RBFOX1: variants seen among roughly 807,000 people sequenced by gnomAD.
RBFOX1 encodes the protein RNA binding fox-1 homolog 1, also known as RNA binding protein fox-1 homolog 1.
RBFOX1 carries 8 observed loss-of-function variants against 57.7 expected under a neutral mutation model. The observed-to-expected ratio is 0.14, with a 90% CI of 0.08 to 0.25. The LOEUF is 0.25. Ranked by LOEUF, RBFOX1 falls within the 10% of genes least tolerant of loss-of-function variation. RBFOX1 has a pLI of 1.00. For missense variants in RBFOX1, 611 were observed against 548.5 expected, an observed-to-expected ratio of 1.11 and a Z score of -1.14; for synonymous variants, 326 against 222.4, an observed-to-expected ratio of 1.47 and a Z score of -4.15.
chr16:6,648,991 A>G (rs1203154446), intron 2 of RBFOX1, among the ~76,000 whole-genome samples: 1 of 152,012 alleles, frequency 6.6e-6, no homozygotes, highest in Admixed American at 6.5e-5. Flanking sequence ...TTTCTTAGCA[A>G]TTTTCAAGAT....
chr16:6,627,244 T>C (rs2098323227), intron 2 of RBFOX1, among the ~76,000 whole-genome samples: 1 of 152,158 alleles, frequency 6.6e-6, no homozygotes, highest in African/African-American at 2.4e-5. Flanking sequence ...AGATGGGGCT[T>C]TGAAGCTGGC....
At chr16:6,961,145 C>CACCCACACACACACACACACA (rs142889433) in intron 3 of RBFOX1, among the ~76,000 whole-genome samples, 3 of 143,658 alleles carry the variant, frequency 2.1e-5, no homozygotes, top group Admixed American at 7.0e-5. Context: ...TCACACACAC[C>CACCCACACACACACACACACA]CACACAGACA....
intron 4 of RBFOX1, among the ~76,000 whole-genome samples, chr16:5,897,771 T>G (rs1484239798): frequency 6.6e-6 from 1 of 152,136 alleles, no homozygotes; most frequent in Non-Finnish European, 1.5e-5. Context: ...CATAGCCACA[T>G]GTAAGAGCAT....
intron 4 of RBFOX1, among the ~76,000 whole-genome samples, chr16:5,982,690 T>G (rs1369577710): frequency 6.6e-6 from 1 of 152,244 alleles, no homozygotes; most frequent in Non-Finnish European, 1.5e-5. Flanking sequence ...AGGACGTTCC[T>G]GACCATCTTG....
Position 6,965,307 on chromosome 16 carries a change from T to C in RBFOX1, c.-15-86750T>C, listed in dbSNP as rs902134313. 5.3e-5 allele frequency among the ~76,000 whole-genome samples: 8 copies of C among 149,912 alleles called. No individual in the cohort carries two copies. In the Admixed American group the frequency reaches 5.4e-4, roughly 10 times the overall value. On this transcript the variant is annotated intron_variant, in intron 3 of 15. Coordinates refer to ENST00000550418, the MANE Select transcript of RBFOX1 (RefSeq NM_018723.4). ...AACATAAACAAATCCAATTTCCTTT[T>C]TCTTTTGTTGTGTGTGTGTGTGTGT...
At chr16:6,679,905 T>TTTC (rs1243331086) in intron 3 of RBFOX1, among the ~76,000 whole-genome samples, 2 of 123,052 alleles carry the variant, frequency 1.6e-5, no homozygotes, top group African/African-American at 6.1e-5. Context: ...TTTTTTTTTT[T>TTTC]CATACTTTTC....
intron 3 of RBFOX1, among the ~76,000 whole-genome samples, chr16:6,871,962 T>TGTGTGTGTGTGTG (rs2060982913): frequency 1.4e-5 from 2 of 144,606 alleles, no homozygotes; most frequent in African/African-American, 5.1e-5. Context: ...TGTGTGTGTG[T>TGTGTGTGTGTGTG]TTCCCTCGGT....
intron 4 of RBFOX1, among the ~76,000 whole-genome samples, chr16:5,901,568 G>T (rs951211118): frequency 5.3e-5 from 8 of 152,270 alleles, no homozygotes; most frequent in Non-Finnish European, 1.0e-4. Context: ...GTTAAAATTA[G>T]AAATTCAGCC....
chr16:5,654,457 T>C (rs2049356031), intron 3 of RBFOX1, among the ~76,000 whole-genome samples: 1 of 152,142 alleles, frequency 6.6e-6, no homozygotes, highest in Non-Finnish European at 1.5e-5. Context: ...CTTGTGGAGG[T>C]TGGGAAGGAA....
chr16:6,959,754 T>C (rs1313759361), intron 3 of RBFOX1, among the ~76,000 whole-genome samples: 1 of 152,132 alleles, frequency 6.6e-6, no homozygotes, highest in Non-Finnish European at 1.5e-5. Flanking sequence ...CTGGCCAACA[T>C]GGTGAAACCC....
chr16:7,256,485 A>C (rs1175768240), intron 4 of RBFOX1, among the ~76,000 whole-genome samples: 2 of 152,174 alleles, frequency 1.3e-5, no homozygotes, highest in Non-Finnish European at 2.9e-5. Context: ...GAGCCTTTTT[A>C]GACCTTTTTT....
At chr16:5,494,631 C>T (rs146523258) in intron 2 of RBFOX1, among the ~76,000 whole-genome samples, 4 of 152,224 alleles carry the variant, frequency 2.6e-5, no homozygotes, top group Non-Finnish European at 2.9e-5. Context: ...GCCTGTGGGC[C>T]GATGGCAGAG....
At chr16:6,709,317 C>T (rs184530381) in intron 3 of RBFOX1, among the ~76,000 whole-genome samples, 7 of 152,190 alleles carry the variant, frequency 4.6e-5, no homozygotes, top group South Asian at 2.1e-4. Context: ...GAGCTAAATT[C>T]TCCGAGATTA....
intron 3 of RBFOX1, among the ~76,000 whole-genome samples, chr16:6,842,859 C>A (rs1242886450): frequency 6.6e-6 from 1 of 151,960 alleles, no homozygotes; most frequent in Non-Finnish European, 1.5e-5. Context: ...GTGTGATGTT[C>A]CCCTCCCTGT....
intron 4 of RBFOX1, among the ~76,000 whole-genome samples, chr16:5,917,124 T>C (rs1247109860): frequency 6.6e-6 from 1 of 152,142 alleles, no homozygotes; most frequent in Non-Finnish European, 1.5e-5. Context: ...TCTGTTTTCC[T>C]TCCTGTTCCT....
At chr16:6,419,049 T>C (rs947526210) in intron 2 of RBFOX1, among the ~76,000 whole-genome samples, 5 of 152,218 alleles carry the variant, frequency 3.3e-5, no homozygotes, top group African/African-American at 9.6e-5. Flanking sequence ...CCAGTCTTGA[T>C]AGCCTTTCAC....
chr16:7,505,770 C>T (rs1219084063), intron 4 of RBFOX1, among the ~76,000 whole-genome samples: 4 of 152,222 alleles, frequency 2.6e-5, no homozygotes, highest in South Asian at 2.1e-4. Flanking sequence ...CCTACTGAGC[C>T]GGAGAAGTGA....
intron 2 of RBFOX1, among the ~76,000 whole-genome samples, chr16:6,580,016 C>T (rs187733942): frequency 1.2e-3 from 182 of 151,960 alleles, no homozygotes; most frequent in South Asian, 5.8e-3. Flanking sequence ...TGGAGTGCAG[C>T]GGTGTGATCT....
chr16:6,976,052 A>T (rs944558319), intron 3 of RBFOX1, among the ~76,000 whole-genome samples: 7 of 152,130 alleles, frequency 4.6e-5, no homozygotes, highest in Non-Finnish European at 8.8e-5. Flanking sequence ...GCTTGAACCC[A>T]GTAGGTGGAG....
Sources: gnomAD v4.1 joint callset for allele counts (sites outside exome capture counted in the v4.1 genomes callset) on GRCh38, gnomAD v4.1.1 for gene constraint, MANE v1.5 for transcripts, NCBI Gene and HGNC (gene_info 2026-07-23, HGNC 2026-07-21) for gene names.